KLHL24: variants seen among roughly 807,000 people sequenced by gnomAD.
KLHL24 encodes the protein kelch like family member 24, also known as kelch-like protein 24.
A neutral mutation model predicts 53.4 loss-of-function variants in KLHL24; 29 were observed. That is an observed-to-expected ratio of 0.54 (90% confidence interval 0.40 to 0.74). The LOEUF (loss-of-function observed/expected upper bound fraction) is 0.74, where lower values mean the gene tolerates loss of function less well. KLHL24 is among the 30% of genes least tolerant of loss of function. The pLI, the probability that KLHL24 is intolerant of heterozygous loss-of-function variation, is 0.00. For missense variants in KLHL24, 504 were observed against 744.0 expected, an observed-to-expected ratio of 0.68 and a Z score of 3.75; for synonymous variants, 222 against 253.7, an observed-to-expected ratio of 0.88 and a Z score of 1.19.
At chr3:183,662,095 CTGTTAAT>C (rs1719882322) in intron 3 of KLHL24, among the ~76,000 whole-genome samples, 2 of 152,172 alleles carry the variant, frequency 1.3e-5, no homozygotes, top group South Asian at 4.2e-4. Context: ...TTAGGTCCTT[CTGTTAAT>C]GTTTTACTAA....
chr3:183,664,995 A>G lies in KLHL24; in HGVS notation c.1180A>G (p.Asn394Asp), dbSNP rs750678808. The G allele has an allele frequency of 7.4e-6, 12 of 1,612,098 alleles. No individual in the cohort carries two copies. Among genetic ancestry groups the G allele is most frequent in the Non-Finnish European group, 7.6e-6 (9 of 1,178,486 alleles). ...LNIWIRVASLNKGRWRHKMAV... is the reference protein window; with the variant it reads ...LNIWIRVASLDKGRWRHKMAV... ...TATTTGGATCAGAGTTGCCTCTCTC[A>G]ATAAAGGCAGATGGCGTCACAAAAT... is the stretch of plus-strand genomic sequence containing the variant. Residue 394 changes from asparagine (N) to aspartate (D), a missense_variant, in exon 5 of 8, where the codon AAT becomes GAT. Transcript: ENST00000242810.
chr3:183,647,169 C>G (rs1314855944), intron 2 of KLHL24, among the ~76,000 whole-genome samples: 1 of 151,498 alleles, frequency 6.6e-6, no homozygotes, highest in African/African-American at 2.4e-5. Flanking sequence ...GCCTGTAATC[C>G]TAGCACTTTG....
chr3:183,652,191 G>A (rs1315523212), intron 3 of KLHL24, among the ~76,000 whole-genome samples: 1 of 152,170 alleles, frequency 6.6e-6, no homozygotes, highest in African/African-American at 2.4e-5. Flanking sequence ...TGGAAAATGT[G>A]TGCTTAGGGG....
chr3:183,676,996 T>A (rs1000653982), intron 7 of KLHL24, among the ~76,000 whole-genome samples: 12 of 152,046 alleles, frequency 7.9e-5, no homozygotes, highest in African/African-American at 2.9e-4. Context: ...ATTGATAAAT[T>A]ATTGTTCCTA....
chr3:183,638,282 C>T (rs1204986647), intron 1 of KLHL24, among the ~76,000 whole-genome samples: 1 of 152,216 alleles, frequency 6.6e-6, no homozygotes, highest in Admixed American at 6.5e-5. Context: ...GGCTGACTAC[C>T]AGCTTTAACT....
In KLHL24 at chr3:183,650,133, G is replaced by A. The variant is rs999664235; in HGVS notation, c.-61-163G>A. Reference sequence around the variant, plus strand: ...ACCCCAATGTTCTAATTGTTCAAATGCAAATTTTTGTTGATTAGTTTTTAT... The same window carrying A: ...ACCCCAATGTTCTAATTGTTCAAATACAAATTTTTGTTGATTAGTTTTTAT... On this transcript the variant is annotated intron_variant, in intron 2 of 7. Transcript: ENST00000242810. This position sits in a 1 kb window ranked among gnomAD's most constrained non-coding sequence, Gnocchi z 4.5. Among the ~76,000 whole-genome samples the A allele has an allele frequency of 7.9e-5, 12 of 152,108 alleles. No individual in the cohort carries two copies. Among genetic ancestry groups the A allele is most frequent in the Non-Finnish European group, 8.8e-5 (6 of 68,010 alleles).
chr3:183,636,701 T>C (rs913421790), intron 1 of KLHL24: 2 of 152,350 alleles, frequency 1.3e-5, no homozygotes, highest in Middle Eastern at 3.4e-3. Flanking sequence ...TTATTGTCAC[T>C]AGGTGGGCCT....
chr3:183,647,866 C>T (rs1230918785), intron 2 of KLHL24, among the ~76,000 whole-genome samples: 3 of 151,850 alleles, frequency 2.0e-5, no homozygotes, highest in Non-Finnish European at 4.4e-5. Context: ...ATTAGCCAGG[C>T]GCGGTGGCAT....
chr3:183,671,319 G>A, intron 6 of KLHL24, 97 bp downstream of exon 6: 1 of 1,072,744 alleles, frequency 9.3e-7, no homozygotes. Flanking sequence ...ATAGTGTGAG[G>A]GGTCTTTTAA....
chr3:183,659,479 G>A (rs1163901730), intron 3 of KLHL24, among the ~76,000 whole-genome samples: 1 of 152,208 alleles, frequency 6.6e-6, no homozygotes, highest in East Asian at 1.9e-4. Context: ...GGCAGAGATT[G>A]CAAGATCGTG....
At chr3:183,658,175 T>G (rs1719180216) in intron 3 of KLHL24, among the ~76,000 whole-genome samples, 1 of 149,626 alleles carries the variant, frequency 6.7e-6, no homozygotes, top group Non-Finnish European at 1.5e-5. Flanking sequence ...ATCGCACCAT[T>G]GCACTCTAGC....
At chr3:183,639,055 G>A (rs965326432) in intron 1 of KLHL24, among the ~76,000 whole-genome samples, 26 of 151,598 alleles carry the variant, frequency 1.7e-4, no homozygotes, top group South Asian at 8.3e-4. Context: ...ACAAAAATTA[G>A]CCGGGTGTGG....
chr3:183,649,008 A>G (rs945017554), intron 2 of KLHL24, among the ~76,000 whole-genome samples: 5 of 152,184 alleles, frequency 3.3e-5, no homozygotes, highest in Non-Finnish European at 7.4e-5. Context: ...GTTTCCAAAA[A>G]AAAAAAGAGA....
chr3:183,682,223 T>C lies in KLHL24; in HGVS notation c.*2937T>C, dbSNP rs1337492754. 1 of 152,176 alleles carries C rather than the reference T, an allele frequency of 6.6e-6. No individual in the cohort carries two copies. The allele number at this position is 152,176 out of a possible 1,614,324, so 9.4% of individuals were successfully genotyped here. ...TGGAAAGGGAATTCAAAGGTATGCTTTGTAGAACAGAAAAGTATAGTTTTT... is the reference window on the plus strand; with the variant it reads ...TGGAAAGGGAATTCAAAGGTATGCTCTGTAGAACAGAAAAGTATAGTTTTT... On this transcript the variant is annotated 3_prime_UTR_variant, in exon 8 of 8. Coordinates refer to ENST00000242810, the MANE Select transcript of KLHL24 (RefSeq NM_017644.3).
At chr3:183,645,299 T>A (rs940085150) in intron 2 of KLHL24, among the ~76,000 whole-genome samples, 1 of 152,236 alleles carries the variant, frequency 6.6e-6, no homozygotes, top group African/African-American at 2.4e-5. Context: ...AGTAGTGATC[T>A]CTCTTGATAT....
intron 3 of KLHL24, among the ~76,000 whole-genome samples, chr3:183,652,031 A>G (rs1473716583): frequency 6.6e-6 from 1 of 151,860 alleles, no homozygotes; most frequent in Non-Finnish European, 1.5e-5. Flanking sequence ...GGTGAATTAA[A>G]TAAGCTGGTA....
At chr3:183,670,974 C>CA (rs1239785449) in intron 5 of KLHL24, 60 bp from the exon 6 acceptor site, 4 of 1,181,588 alleles carry the variant, frequency 3.4e-6, no homozygotes, top group Non-Finnish European at 4.9e-6. Context: ...ATTCTTTAGC[C>CA]AACTACTTCA....
chr3:183,657,847 C>T (rs1719127150), intron 3 of KLHL24, among the ~76,000 whole-genome samples: 1 of 152,152 alleles, frequency 6.6e-6, no homozygotes, highest in Non-Finnish European at 1.5e-5. Flanking sequence ...CTCTTCTTAA[C>T]CCTTCAGAGA....
At chr3:183,669,209 A>G (rs182088590) in intron 5 of KLHL24, among the ~76,000 whole-genome samples, 71 of 151,562 alleles carry the variant, frequency 4.7e-4, no homozygotes, top group Middle Eastern at 6.9e-3. Context: ...AAATATAGCC[A>G]AGCATGGTGG....
Sources: gnomAD v4.1 joint callset for allele counts (sites outside exome capture counted in the v4.1 genomes callset) on GRCh38, gnomAD v4.1.1 for gene constraint, Gnocchi (gnomAD v3.1) non-coding constraint, MANE v1.5 for transcripts, NCBI Gene and HGNC (gene_info 2026-07-23, HGNC 2026-07-21) for gene names.